SCN7A: variants seen among roughly 807,000 people sequenced by gnomAD.
SCN7A encodes the protein sodium channel protein type 7 subunit alpha.
SCN7A carries 138 observed loss-of-function variants against 155.2 expected under a neutral mutation model. The observed-to-expected ratio is 0.89, with a 90% CI of 0.77 to 1.02. The LOEUF (loss-of-function observed/expected upper bound fraction) is 1.02. Ranked by LOEUF, SCN7A falls within the 50% of genes least tolerant of loss-of-function variation. The pLI is 0.00. For synonymous variants in SCN7A, 693 were observed against 649.0 expected (o/e 1.07, Z -1.03); for missense variants, 2,058 against 1,986.6 (o/e 1.04, Z -0.68).
intron 11 of SCN7A, among the ~76,000 whole-genome samples, chr2:166,455,123 A>C (rs1702247552): frequency 6.6e-6 from 1 of 152,178 alleles, no homozygotes; most frequent in African/African-American, 2.4e-5. Flanking sequence ...CTACAACTTC[A>C]GTACTGTAAT....
intron 20 of SCN7A, among the ~76,000 whole-genome samples, chr2:166,418,284 C>CTTTTTTTTTTTCT (rs1701433476): frequency 3.0e-4 from 18 of 60,666 alleles, no homozygotes; most frequent in African/African-American, 1.2e-3. Context: ...CCCCGCCAGG[C>CTTTTTTTTTTTCT]TTTTTTTTTT....
chr2:166,434,261 G>A (rs1363102460), intron 15 of SCN7A, among the ~76,000 whole-genome samples: 2 of 151,988 alleles, frequency 1.3e-5, no homozygotes, highest in African/African-American at 4.8e-5. Flanking sequence ...AATACAGAAG[G>A]TTCAAATAAA....
chr2:166,488,637 T>TA (rs1282210355), intron 1 of SCN7A, among the ~76,000 whole-genome samples: 1 of 151,554 alleles, frequency 6.6e-6, no homozygotes, highest in Non-Finnish European at 1.5e-5. Flanking sequence ...AGTTTCTTTT[T>TA]TTTTTTTTAT....
chr2:166,409,500 T>G (rs1230543865), intron 25 of SCN7A, among the ~76,000 whole-genome samples, 165 bp downstream of exon 25: 2 of 151,976 alleles, frequency 1.3e-5, no homozygotes, highest in Non-Finnish European at 2.9e-5. Flanking sequence ...AATACAAATG[T>G]GAAGCATTCC....
rs775280809 is a variant in SCN7A, at chr2:166,432,391, G to A, written c.2519C>T (p.Ser840Leu). 1.5e-5 allele frequency: 24 copies of A among 1,613,250 alleles called. No individual in the cohort carries two copies. Among genetic ancestry groups the A allele is most frequent in the Non-Finnish European group, 1.9e-5 (23 of 1,179,560 alleles). ...PSVSETVPIA[S>L]GESDIENLDN... ...CAGATTTTCTATATCAGATTCTCCTGAAGCAATTGGTACAGTTTCTGAGAC... is the reference window on the plus strand; with the variant it reads ...CAGATTTTCTATATCAGATTCTCCTAAAGCAATTGGTACAGTTTCTGAGAC... The change falls in exon 16 of 26, where the codon TCA becomes TTA. Residue 840 changes from serine to leucine, a missense_variant. Coordinates refer to ENST00000643258, the MANE Select transcript of SCN7A (RefSeq NM_002976.4).
rs1468787039 is a variant in SCN7A, at chr2:166,441,839, T to C, written c.1801-87A>G. The C allele has an allele frequency of 1.8e-5, 15 of 856,622 alleles. No individual in the cohort carries two copies. The Admixed American group carries it at 2.4e-4, about 14-fold the overall frequency. 53.1% of individuals were successfully genotyped at this position (856,622 alleles called of 1,614,324 possible). A position where few individuals can be genotyped will look rare whatever the true frequency, so the allele number is the denominator to read the frequency against. The stretch of plus-strand genomic sequence containing the variant: ...ATTACAAGGTACAGTGTTATACACA[T>C]ATACATATATAGCCTTTAGAGTTTT... On this transcript the variant is annotated intron_variant, in intron 14 of 25. Coordinates refer to ENST00000643258, the MANE Select transcript of SCN7A (RefSeq NM_002976.4).
rs1310255081 is a variant in SCN7A, at chr2:166,423,415, A to G, written c.2871T>C (p.Tyr957=). 3.2e-6 allele frequency: 5 copies of G among 1,560,326 alleles called. No homozygotes were observed. The highest frequency in any genetic ancestry group is 4.2e-5 in the Admixed American group (2 of 47,238). ...TTTTAATTGTCTTTCTCTGATCCAT[A>G]TATATATCTTCAAAAGCCTGTGGGT... ...STGTLAFEDI[Y]MDQRKTIKIL... Residue 957 remains tyrosine (Y), a synonymous_variant, in exon 19 of 26, where the codon TAT becomes TAC. Transcript: ENST00000643258.
Position 166,479,316 on chromosome 2 carries a change from T to C in SCN7A, c.-14-1606A>G, listed in dbSNP as rs571358783. ...TTTAATATTATTGGGACACCATTCA[T>C]TGCAAGAATCAGACTTCAACTGCTA... On this transcript the variant is annotated intron_variant, in intron 2 of 25. Coordinates refer to ENST00000643258, the MANE Select transcript of SCN7A (RefSeq NM_002976.4). Among the ~76,000 whole-genome samples the C allele has an allele frequency of 2.7e-3, 418 of 152,254 alleles. 2 individuals carry two copies. The highest frequency in any genetic ancestry group is 0.02 in the South Asian group (98 of 4,828).
rs537607814 is a variant in SCN7A at position 166,432,687 on chromosome 2, C to G, written c.2223G>C (p.Glu741Asp). ...GCTGGAGATTTTTTGCTTCATTATTCTCTTCAGCTGTTACATCCTTGCATG... is the reference window on the plus strand; with the variant it reads ...GCTGGAGATTTTTTGCTTCATTATTGTCTTCAGCTGTTACATCCTTGCATG... ...FSSCKDVTAE[E>D]NNEAKNLQLA... The change falls in exon 16 of 26, where the codon GAG (glutamate) becomes GAC (aspartate). Residue 741 changes from glutamate (E) to aspartate (D), a missense_variant. Coordinates refer to ENST00000643258, the MANE Select transcript of SCN7A (RefSeq NM_002976.4). 5.6e-6 allele frequency: 9 copies of G among 1,601,058 alleles called. No homozygotes were observed. The highest frequency in any genetic ancestry group is 6.0e-6 in the Non-Finnish European group (7 of 1,175,486).
chr2:166,478,763 A>T (rs886870261), intron 2 of SCN7A, among the ~76,000 whole-genome samples: 1 of 151,952 alleles, frequency 6.6e-6, no homozygotes, highest in East Asian at 1.9e-4. Context: ...TTGTAATTCT[A>T]TCTTTGGGGT....
intron 1 of SCN7A, among the ~76,000 whole-genome samples, chr2:166,487,755 A>G (rs12471701): frequency 6.6e-6 from 1 of 152,244 alleles, no homozygotes; most frequent in African/African-American, 2.4e-5. Context: ...AAGAATGTAG[A>G]CCATAGAGCA....
chr2:166,414,308 A>C (rs1322113111), intron 21 of SCN7A, among the ~76,000 whole-genome samples: 1 of 87,780 alleles, frequency 1.1e-5, no homozygotes, highest in Non-Finnish European at 2.0e-5. Context: ...ATATATATAT[A>C]TATACACATA....
chr2:166,472,207 C>A, intron 6 of SCN7A, 110 bp downstream of exon 6: 8 of 1,021,926 alleles, frequency 7.8e-6, no homozygotes, highest in Non-Finnish European at 8.2e-6. Flanking sequence ...AAGTATTCTT[C>A]ACTTGCAGAC....
chr2:166,421,356 T>C, intron 19 of SCN7A, 59 bp from the exon 20 acceptor site: 1 of 980,366 alleles, frequency 1.0e-6, no homozygotes, highest in South Asian at 2.0e-5. Flanking sequence ...AAATAACATG[T>C]AAAATAAACT....
intron 12 of SCN7A, 147 bp from the exon 13 acceptor site, chr2:166,445,147 C>T (rs539228292): frequency 6.7e-6 from 4 of 595,354 alleles, no homozygotes; most frequent in Non-Finnish European, 1.2e-5. Flanking sequence ...GAAACTTTGT[C>T]TCTACAAAAA....
At chr2:166,441,300 G>C in intron 15 of SCN7A, 96 bp downstream of exon 15, 1 of 841,714 alleles carries the variant, frequency 1.2e-6, no homozygotes, top group Non-Finnish European at 1.8e-6. Context: ...GACTACCACA[G>C]TTACAGACCA....
chr2:166,447,391 TAAAC>T (rs1193440911), intron 12 of SCN7A, among the ~76,000 whole-genome samples: 2 of 152,172 alleles, frequency 1.3e-5, no homozygotes, highest in Non-Finnish European at 2.9e-5. Flanking sequence ...TTTTTAATGT[TAAAC>T]AAAGAAAATT....
rs748789623 is a variant in SCN7A, at chr2:166,473,852, A to C, written c.390T>G (p.Ile130Met). ...TAGTCAGGGACATGAATACGCAATCAATCAGGACACTAATTAGAATAAACA... is the reference window on the plus strand; with the variant it reads ...TAGTCAGGGACATGAATACGCAATCCATCAGGACACTAATTAGAATAAACA... ...FQLFILISVLIDCVFMSLTNL... is the reference protein window; with the variant it reads ...FQLFILISVLMDCVFMSLTNL... The change falls in exon 5 of 26, where the codon ATT (isoleucine) becomes ATG (methionine). Residue 130 changes from isoleucine to methionine, a missense_variant. By Grantham distance (10) the Ile-to-Met change is conservative (BLOSUM62 1). Transcript: ENST00000643258. 6.4e-7 allele frequency: 1 copy of C among 1,568,654 alleles called. No homozygotes were observed. The highest frequency in any genetic ancestry group is 8.7e-7 in the Non-Finnish European group (1 of 1,153,500).
At chr2:166,423,164 A>G (rs1191425769) in intron 19 of SCN7A, 95 bp downstream of exon 19, 21 of 1,204,402 alleles carry the variant, frequency 1.7e-5, no homozygotes, top group Non-Finnish European at 2.4e-5. Context: ...GAGAGAGGGA[A>G]AGGAAAGATA....
Sources: allele counts gnomAD v4.1 joint callset (sites outside exome capture counted in the v4.1 genomes callset), GRCh38; gene constraint gnomAD v4.1.1; transcripts MANE v1.5; gene names NCBI Gene and HGNC (gene_info 2026-07-23, HGNC 2026-07-21).